STAU2: variants seen among roughly 807,000 people sequenced by gnomAD.
The protein encoded by STAU2 is double-stranded RNA-binding protein Staufen homolog 2.
In STAU2, 20 loss-of-function variants were observed where a neutral mutation model predicts 65.9. The ratio of observed to expected loss-of-function variants is 0.30; its 90% CI spans 0.21 to 0.44. The LOEUF (loss-of-function observed/expected upper bound fraction) is 0.44. STAU2 is among the 20% of genes least tolerant of loss of function. STAU2 has a pLI of 1.00. For synonymous variants in STAU2, 232 were observed against 233.9 expected, an observed-to-expected ratio of 0.99 and a Z score of 0.07; for missense variants, 558 against 683.9, an observed-to-expected ratio of 0.82 and a Z score of 2.05.
chr8:73,485,695 G>T (rs567243047), intron 13 of STAU2, among the ~76,000 whole-genome samples: 1 of 152,114 alleles, frequency 6.6e-6, no homozygotes, highest in South Asian at 2.1e-4. Context: ...TATTAGCCGG[G>T]CATGAGCACA....
chr8:73,423,633 C>T lies in STAU2; in HGVS notation c.1531-931G>A, dbSNP rs148765681. Among the ~76,000 whole-genome samples, 46 of 152,266 alleles carry T rather than the reference C, an allele frequency of 3.0e-4. No individual in the cohort carries two copies. The East Asian group carries it at 5.0e-3, about 17-fold the overall frequency. The stretch of plus-strand genomic sequence containing the variant: ...CCTTTGAAAACGAGCTAGCTCTTGG[C>T]GGTTTCCCAAACTTTTATCTGCCAA... On this transcript the variant is annotated intron_variant, in intron 13 of 14. Coordinates refer to ENST00000524300, the MANE Select transcript of STAU2 (RefSeq NM_001164380.2).
chr8:73,614,276 T>C (rs1812673038), intron 8 of STAU2, among the ~76,000 whole-genome samples: 1 of 152,158 alleles, frequency 6.6e-6, no homozygotes, highest in Admixed American at 6.6e-5. Flanking sequence ...TACCATTAGA[T>C]TAGATACCAT....
chr8:73,446,640 T>C (rs1366374966), intron 13 of STAU2, among the ~76,000 whole-genome samples: 1 of 152,088 alleles, frequency 6.6e-6, no homozygotes, highest in Non-Finnish European at 1.5e-5. Context: ...TTTAATTTAA[T>C]TTAATTTAAT....
intron 6 of STAU2, among the ~76,000 whole-genome samples, chr8:73,661,458 G>A (rs766856024): frequency 6.6e-6 from 1 of 152,134 alleles, no homozygotes. Flanking sequence ...ATGTTATTGA[G>A]GTAAAATTTA....
At chr8:73,446,652 T>G (rs1818485226) in intron 13 of STAU2, among the ~76,000 whole-genome samples, 1 of 152,196 alleles carries the variant, frequency 6.6e-6, no homozygotes, top group Non-Finnish European at 1.5e-5. Flanking sequence ...TAATTTAATT[T>G]TTTTTAAAGA....
At chr8:73,436,727 C>A (rs1007939210) in intron 13 of STAU2, among the ~76,000 whole-genome samples, 1 of 152,010 alleles carries the variant, frequency 6.6e-6, no homozygotes, top group Non-Finnish European at 1.5e-5. Context: ...ACTGAGATTA[C>A]AGGCATGCAC....
chr8:73,444,130 G>A (rs13439232), intron 13 of STAU2, among the ~76,000 whole-genome samples: 1 of 152,274 alleles, frequency 6.6e-6, no homozygotes, highest in Non-Finnish European at 1.5e-5. Flanking sequence ...GTGACAGCTG[G>A]GTGCTGCGGC....
chr8:73,600,047 C>G (rs879713598), intron 10 of STAU2, among the ~76,000 whole-genome samples: 2 of 152,188 alleles, frequency 1.3e-5, no homozygotes, highest in Non-Finnish European at 2.9e-5. Flanking sequence ...GGATTACAGG[C>G]GTGAGCCACC....
At chr8:73,617,685 CA>C (rs1233700287) in intron 6 of STAU2, among the ~76,000 whole-genome samples, 1 of 151,968 alleles carries the variant, frequency 6.6e-6, no homozygotes, top group East Asian at 1.9e-4. Context: ...TAAAACAATA[CA>C]GTAAAAATTA....
chr8:73,551,391 C>T, intron 13 of STAU2: 1 of 986,988 alleles, frequency 1.0e-6, no homozygotes, highest in African/African-American at 1.7e-5. Context: ...GCAGGTGCTA[C>T]CCTCCCTAGT....
At chr8:73,459,035 C>T (rs972194410) in intron 13 of STAU2, among the ~76,000 whole-genome samples, 19 of 152,122 alleles carry the variant, frequency 1.2e-4, no homozygotes, top group East Asian at 1.9e-4. Flanking sequence ...ATTATTTTAT[C>T]GAATGGAAGC....
chr8:73,712,312 C>T (rs1820954709), intron 3 of STAU2, among the ~76,000 whole-genome samples: 1 of 152,124 alleles, frequency 6.6e-6, no homozygotes, highest in African/African-American at 2.4e-5. Flanking sequence ...TTTGAAAGAA[C>T]AACTGCCACA....
At chr8:73,576,719 G>C (rs1809591006) in intron 12 of STAU2, among the ~76,000 whole-genome samples, 1 of 152,040 alleles carries the variant, frequency 6.6e-6, no homozygotes, top group South Asian at 2.1e-4. Flanking sequence ...AGCAGTTAAT[G>C]TTTCTTCACA....
chr8:73,525,616 C>T (rs1823314470), intron 13 of STAU2, among the ~76,000 whole-genome samples: 1 of 152,164 alleles, frequency 6.6e-6, no homozygotes, highest in African/African-American at 2.4e-5. Flanking sequence ...TGCATTTGAT[C>T]CCAGTCTGCA....
chr8:73,682,112 C>T (rs1388134204), intron 5 of STAU2, among the ~76,000 whole-genome samples: 1 of 152,040 alleles, frequency 6.6e-6, no homozygotes, highest in Non-Finnish European at 1.5e-5. Context: ...TTAAACTATA[C>T]CCTACAACAA....
intron 6 of STAU2, among the ~76,000 whole-genome samples, chr8:73,648,181 G>T (rs117323112): frequency 6.6e-6 from 1 of 152,094 alleles, no homozygotes; most frequent in Admixed American, 6.5e-5. Context: ...TTCCAAATAC[G>T]TATCTTGAAA....
chr8:73,574,912 A>G (rs943350290), intron 12 of STAU2, among the ~76,000 whole-genome samples: 8 of 151,756 alleles, frequency 5.3e-5, no homozygotes, highest in Middle Eastern at 3.4e-3. Context: ...ATAATAAAAT[A>G]AATAAATAAA....
intron 1 of STAU2, among the ~76,000 whole-genome samples, chr8:73,744,299 A>G (rs1008662203): frequency 1.3e-5 from 2 of 152,136 alleles, no homozygotes; most frequent in African/African-American, 4.8e-5. Flanking sequence ...AAGAGGCACA[A>G]ATATATCTAT....
chr8:73,637,403 T>G (rs1205237329), intron 6 of STAU2, among the ~76,000 whole-genome samples: 1 of 137,722 alleles, frequency 7.3e-6, no homozygotes, highest in Admixed American at 8.2e-5. Context: ...GATGGATGAC[T>G]TCTCAAGAGA....
Sources: gnomAD v4.1 joint callset for allele counts (sites outside exome capture counted in the v4.1 genomes callset) on GRCh38, gnomAD v4.1.1 for gene constraint, MANE v1.5 for transcripts, NCBI Gene and HGNC (gene_info 2026-07-23, HGNC 2026-07-21) for gene names.